The following ZNF484 variants were observed in gnomAD, a reference collection of about 807,000 sequenced individuals.
The protein encoded by ZNF484 is zinc finger protein 484.
Under a neutral mutation model 12.9 loss-of-function variants are expected in ZNF484, and 11 were observed. The observed-to-expected ratio is 0.85, with a 90% CI of 0.54 to 1.41. The LOEUF (loss-of-function observed/expected upper bound fraction) is 1.41, where lower values mean the gene tolerates loss of function less well. Among genes scored for constraint, ZNF484 ranks in the 40% most tolerant of loss-of-function variants. The pLI, the probability that ZNF484 is intolerant of heterozygous loss-of-function variation, is 0.00. For missense variants in ZNF484, 807 were observed against 1,007.7 expected (o/e 0.80, Z 2.70); for synonymous variants, 289 against 334.1 (o/e 0.86, Z 1.47).
intron 4 of ZNF484, among the ~76,000 whole-genome samples, chr9:92,854,600 C>T (rs560091372): frequency 6.6e-6 from 1 of 152,154 alleles, no homozygotes; most frequent in Admixed American, 6.5e-5. Context: ...GCCTGTAGTC[C>T]CAGCTACCGG....
intron 2 of ZNF484, among the ~76,000 whole-genome samples, chr9:92,869,661 T>C (rs948974089): frequency 2.0e-5 from 3 of 152,236 alleles, no homozygotes; most frequent in African/African-American, 7.2e-5. Flanking sequence ...AGAGAGCTAA[T>C]TCCTTCTTTC....
At chr9:92,873,770 A>C (rs1431286469) in intron 2 of ZNF484, among the ~76,000 whole-genome samples, 1 of 152,154 alleles carries the variant, frequency 6.6e-6, no homozygotes, top group East Asian at 1.9e-4. Flanking sequence ...ACAAAGGAAC[A>C]CATTCCAACT....
intron 2 of ZNF484, among the ~76,000 whole-genome samples, chr9:92,867,233 C>T (rs1454741899): frequency 6.6e-6 from 1 of 152,164 alleles, no homozygotes; most frequent in Non-Finnish European, 1.5e-5. Context: ...AATCTCATCA[C>T]TTTGGGAGGC....
intron 2 of ZNF484, among the ~76,000 whole-genome samples, chr9:92,860,438 T>TA (rs374946155): frequency 1.4e-3 from 209 of 151,230 alleles, no homozygotes; most frequent in African/African-American, 4.8e-3. Context: ...CCATCTCTAC[T>TA]AAAAAAATAC....
chr9:92,850,785 T>C (rs532842470), intron 4 of ZNF484, among the ~76,000 whole-genome samples: 69 of 152,116 alleles, frequency 4.5e-4, no homozygotes, highest in Non-Finnish European at 8.5e-4. Flanking sequence ...TTAGTAGAGA[T>C]GGGGTTTCAC....
chr9:92,863,176 A>G (rs1856872970), intron 2 of ZNF484, among the ~76,000 whole-genome samples: 1 of 150,796 alleles, frequency 6.6e-6, no homozygotes, highest in African/African-American at 2.4e-5. Flanking sequence ...ACAGAAAACC[A>G]AACGCTACAT....
Position 92,878,018 on chromosome 9 carries a change from G to T in ZNF484, c.-159C>A, listed in dbSNP as rs1168629173. 2.9e-6 allele frequency: 2 copies of T among 683,640 alleles called. No homozygotes were observed. Among genetic ancestry groups the T allele is most frequent in the Non-Finnish European group, 4.8e-6 (2 of 419,490 alleles). The allele number at this position is 683,640 out of a possible 1,614,324, so 42.3% of individuals were successfully genotyped here. A position where few individuals can be genotyped will look rare whatever the true frequency, so the allele number is the denominator to read the frequency against. The stretch of plus-strand genomic sequence containing the variant: ...CCCAGGCCTAGAGGTACTTCTTACA[G>T]CGCTGCCTGGGTTTGCGCATGCTCA... On this transcript the variant is annotated 5_prime_UTR_variant, in exon 1 of 5. In the 5' UTR this introduces an upstream ATG that the reference lacks. Transcript: ENST00000375495.
At chr9:92,870,332 G>C (rs953761615) in intron 2 of ZNF484, among the ~76,000 whole-genome samples, 2 of 152,146 alleles carry the variant, frequency 1.3e-5, no homozygotes, top group East Asian at 3.8e-4. Context: ...ACCAGGAAAG[G>C]GGCAACAGAG....
chr9:92,870,779 C>T (rs541941028), intron 2 of ZNF484, among the ~76,000 whole-genome samples: 31 of 152,322 alleles, frequency 2.0e-4, no homozygotes, highest in African/African-American at 7.5e-4. Context: ...ACAAGGTACC[C>T]TCTCCTTTCA....
intron 1 of ZNF484, 107 bp downstream of exon 1, chr9:92,877,783 T>G (rs1857926110): frequency 1.0e-5 from 16 of 1,535,404 alleles, no homozygotes; most frequent in Non-Finnish European, 1.4e-5. Context: ...CGCTCCGACT[T>G]CCACTATTCC....
intron 4 of ZNF484, among the ~76,000 whole-genome samples, chr9:92,853,098 G>A (rs1314619413): frequency 6.6e-6 from 1 of 152,146 alleles, no homozygotes; most frequent in Non-Finnish European, 1.5e-5. Context: ...AGCACACAAT[G>A]TTTTAAGTAG....
At position 92,856,320 on chromosome 9, in the gene ZNF484, T is replaced by A; in HGVS notation, c.16-2A>T. On this transcript the variant is annotated splice_acceptor_variant, in intron 2 of 4. Coordinates refer to ENST00000375495, the MANE Select transcript of ZNF484 (RefSeq NM_031486.4). LOFTEE classifies it high-confidence loss of function. ...TACGTCCTTGAATGACACTGATTCCTGTTAAAAAAAAAAAACAAACTTTAA... is the reference window on the plus strand; with the variant it reads ...TACGTCCTTGAATGACACTGATTCCAGTTAAAAAAAAAAAACAAACTTTAA... The A allele has an allele frequency of 6.7e-7, 1 of 1,499,894 alleles. No individual in the cohort carries two copies. Among genetic ancestry groups the A allele is most frequent in the Non-Finnish European group, 8.8e-7 (1 of 1,131,920 alleles). 92.9% of individuals were successfully genotyped at this position (1,499,894 alleles called of 1,614,324 possible). A position where few individuals can be genotyped will look rare whatever the true frequency, so the allele number is the denominator to read the frequency against.
chr9:92,848,494 T>C lies in ZNF484; in HGVS notation c.293A>G (p.Gln98Arg), dbSNP rs1401152752. ...QQRMSEEVSF[Q>R]SEININLFTR... ...GAAGAGATTAATATTAATCTCAGAC[T>C]GGAAAGAAACTTCTTCAGACATCCT... The change falls in exon 5 of 5, where the codon CAG becomes CGG. Residue 98 changes from glutamine (Q) to arginine (R), a missense_variant. By Grantham distance (43) the Gln-to-Arg change is conservative. Transcript: ENST00000375495. This position sits in a 1 kb window ranked among gnomAD's most constrained non-coding sequence, Gnocchi z 4.1. 1.9e-6 allele frequency: 3 copies of C among 1,611,540 alleles called. 1 individual carries two copies. The Admixed American group carries it at 5.0e-5, about 27-fold the overall frequency.
rs747022378 is a variant in ZNF484, at chr9:92,848,535, A to G, written c.252T>C (p.Phe84=). 1.3e-6 allele frequency: 2 copies of G among 1,586,058 alleles called. No homozygotes were observed. Among genetic ancestry groups the G allele is most frequent in the South Asian group, 1.2e-5 (1 of 86,148 alleles). The change falls in exon 5 of 5, where the codon TTT becomes TTC. Residue 84 remains phenylalanine (F), a synonymous_variant. Transcript: ENST00000375495. The surrounding 1 kb of genome is among the most constrained non-coding windows in gnomAD (Gnocchi z 4.1). ...CAGACATCCTCTGTTGTAAAGGTCCAAAACCAATGTCCCCATCTAAAAAAG... is the reference window on the plus strand; with the variant it reads ...CAGACATCCTCTGTTGTAAAGGTCCGAAACCAATGTCCCCATCTAAAAAAG... ...SQSRPDGDIG[F]GPLQQRMSEE... is the part of the protein sequence containing the mutation.
intron 2 of ZNF484, among the ~76,000 whole-genome samples, chr9:92,867,803 T>C (rs549393438): frequency 8.3e-4 from 126 of 152,218 alleles, no homozygotes; most frequent in Non-Finnish European, 1.4e-3. Context: ...GTCCTCTTTC[T>C]GTAATGAACT....
chr9:92,854,376 T>C (rs1300678814), intron 4 of ZNF484, among the ~76,000 whole-genome samples: 1 of 152,140 alleles, frequency 6.6e-6, no homozygotes, highest in Non-Finnish European at 1.5e-5. Context: ...TCATATTCAA[T>C]ATTAGTATGC....
chr9:92,876,052 A>AGGT (rs1857786147), intron 1 of ZNF484, among the ~76,000 whole-genome samples: 3 of 151,652 alleles, frequency 2.0e-5, no homozygotes, highest in African/African-American at 7.3e-5. Context: ...ACACTGGAAG[A>AGGT]AGTCCAAATA....
chr9:92,864,653 T>C (rs1280281209), intron 2 of ZNF484, among the ~76,000 whole-genome samples: 4 of 152,112 alleles, frequency 2.6e-5, no homozygotes, highest in Non-Finnish European at 5.9e-5. Flanking sequence ...CAGTACCACG[T>C]AATAGCAAAA....
Position 92,846,798 on chromosome 9 carries a change from A to G in ZNF484, c.1989T>C (p.Pro663=), listed in dbSNP as rs779330135. The change falls in exon 5 of 5, where the codon CCT becomes CCC. Residue 663 remains proline (P), a synonymous_variant. Coordinates refer to ENST00000375495, the MANE Select transcript of ZNF484 (RefSeq NM_031486.4). ...CTTTCCCACAGTCACTACATTTATA[A>G]GGTTTCTCTCCAGTGTGAATTTTCT... is the stretch of plus-strand genomic sequence containing the variant. ...THQKIHTGEK[P]YKCSDCGKAF... is the part of the protein sequence containing the mutation. 3.1e-6 allele frequency: 5 copies of G among 1,613,534 alleles called. No homozygotes were observed. In the Admixed American group the frequency reaches 8.3e-5, roughly 27 times the overall value.
Sources: gnomAD v4.1 joint callset for allele counts (sites outside exome capture counted in the v4.1 genomes callset) on GRCh38, gnomAD v4.1.1 for gene constraint, Gnocchi (gnomAD v3.1) non-coding constraint, MANE v1.5 for transcripts, NCBI Gene and HGNC (gene_info 2026-07-23, HGNC 2026-07-21) for gene names.